ABTB3: variants seen among roughly 807,000 people sequenced by gnomAD.
The protein encoded by ABTB3 is ankyrin repeat and BTB domain containing 3, also known as ankyrin repeat- and BTB/POZ domain-containing protein 3.
At chr12:107,655,621 G>A in the ABTB3 span, among the ~76,000 whole-genome samples, 13 of 152,338 alleles carry the variant, frequency 8.5e-5, no homozygotes, top group Admixed American at 5.9e-4. Context: ...TAAGAGCCAC[G>A]TTCCAAATGT....
the ABTB3 span, among the ~76,000 whole-genome samples, chr12:107,656,532 G>T: frequency 1.3e-5 from 2 of 152,208 alleles, no homozygotes; most frequent in South Asian, 4.1e-4. Flanking sequence ...CCCACATTTG[G>T]CCTTCAGGCC....
chr12:107,432,179 C>A, the ABTB3 span, among the ~76,000 whole-genome samples: 1 of 152,138 alleles, frequency 6.6e-6, no homozygotes, highest in South Asian at 2.1e-4. Context: ...GCGTGTATGA[C>A]CTCCCTCCAC....
chr12:107,392,453 T>C, the ABTB3 span, among the ~76,000 whole-genome samples: 2 of 152,144 alleles, frequency 1.3e-5, no homozygotes, highest in Non-Finnish European at 2.9e-5. Context: ...CCTCCCTGCC[T>C]CTGCTTCTCA....
the ABTB3 span, among the ~76,000 whole-genome samples, chr12:107,541,844 A>G: frequency 2.0e-5 from 3 of 151,850 alleles, no homozygotes; most frequent in Admixed American, 6.6e-5. Context: ...AATAATCTGT[A>G]CACCACACTC....
chr12:107,428,067 C>T, the ABTB3 span, among the ~76,000 whole-genome samples: 3 of 152,224 alleles, frequency 2.0e-5, no homozygotes, highest in African/African-American at 7.2e-5. Context: ...CTTGCCGCCT[C>T]CCAAAACCCA....
At chr12:107,550,587 T>C in the ABTB3 span, among the ~76,000 whole-genome samples, 198 of 148,158 alleles carry the variant, frequency 1.3e-3, 1 homozygote, top group African/African-American at 4.5e-3. Context: ...TTCTTTCTTT[T>C]TTTTTTTTTT....
chr12:107,375,766 C>T, the ABTB3 span, among the ~76,000 whole-genome samples: 1 of 152,190 alleles, frequency 6.6e-6, no homozygotes, highest in African/African-American at 2.4e-5. Flanking sequence ...CTGCCCTCTT[C>T]CCAGCTGGAC....
At chr12:107,434,301 A>G in the ABTB3 span, among the ~76,000 whole-genome samples, 4 of 152,324 alleles carry the variant, frequency 2.6e-5, no homozygotes, top group Admixed American at 2.6e-4. Context: ...TGGTGGCACA[A>G]GAAGGCTGAT....
At chr12:107,483,866 A>T in the ABTB3 span, among the ~76,000 whole-genome samples, 1 of 152,106 alleles carries the variant, frequency 6.6e-6, no homozygotes, top group South Asian at 2.1e-4. Flanking sequence ...TTTTTAAAAA[A>T]GTTTTTGTAG....
the ABTB3 span, among the ~76,000 whole-genome samples, chr12:107,590,456 A>G: frequency 6.6e-6 from 1 of 152,172 alleles, no homozygotes; most frequent in Non-Finnish European, 1.5e-5. Context: ...AGAGAAAATG[A>G]GGTAGCAGGG....
the ABTB3 span, among the ~76,000 whole-genome samples, chr12:107,502,067 CT>C: frequency 0.024 from 3,337 of 140,350 alleles, 36 homozygotes; most frequent in African/African-American, 0.03. Context: ...GGCATTGGTA[CT>C]TTTTTTTTTT....
the ABTB3 span, among the ~76,000 whole-genome samples, chr12:107,654,254 G>C: frequency 6.6e-6 from 1 of 152,084 alleles, no homozygotes; most frequent in Non-Finnish European, 1.5e-5. Context: ...ATGAACATGG[G>C]TGTACAAATA....
At chr12:107,441,024 C>T in the ABTB3 span, among the ~76,000 whole-genome samples, 4 of 152,112 alleles carry the variant, frequency 2.6e-5, no homozygotes, top group African/African-American at 7.2e-5. Flanking sequence ...CAACGTCAGC[C>T]GACTAGTTGA....
chr12:107,364,675 T>C, the ABTB3 span, among the ~76,000 whole-genome samples: 1 of 152,046 alleles, frequency 6.6e-6, no homozygotes, highest in African/African-American at 2.4e-5. Context: ...AAGCAAGTTG[T>C]GGTGCATGAA....
the ABTB3 span, among the ~76,000 whole-genome samples, chr12:107,324,753 A>G: frequency 5.3e-5 from 8 of 152,228 alleles, no homozygotes; most frequent in Middle Eastern, 3.4e-3. Flanking sequence ...AAAAAAAGCC[A>G]TAGGCATTCT....
At chr12:107,484,899 A>G in the ABTB3 span, among the ~76,000 whole-genome samples, 1,740 of 152,242 alleles carry the variant, frequency 0.011, 43 homozygotes, top group African/African-American at 0.039. Flanking sequence ...AAGGTGTTAA[A>G]GGAACAGGTT....
chr12:107,641,931 G>A, the ABTB3 span, among the ~76,000 whole-genome samples: 1 of 152,324 alleles, frequency 6.6e-6, no homozygotes, highest in South Asian at 2.1e-4. Context: ...CGGTATAATA[G>A]GAGGGTTTAA....
the ABTB3 span, among the ~76,000 whole-genome samples, chr12:107,470,024 CTCTCTCTCTCTT>C: frequency 7.2e-6 from 1 of 138,944 alleles, no homozygotes; most frequent in African/African-American, 2.8e-5. Context: ...CTCTCTCTCT[CTCTCTCTCTCTT>C]TCTTTCTTTC....
the ABTB3 span, among the ~76,000 whole-genome samples, chr12:107,626,111 G>T: frequency 1.3e-5 from 2 of 152,090 alleles, no homozygotes; most frequent in Admixed American, 1.3e-4. Context: ...TGAAAAGGAA[G>T]TCCAGTGAAC....
Sources: allele counts gnomAD v4.1 joint callset (sites outside exome capture counted in the v4.1 genomes callset), GRCh38; gene constraint gnomAD v4.1.1; transcripts MANE v1.5; gene names NCBI Gene and HGNC (gene_info 2026-07-23, HGNC 2026-07-21).